OR51B5: variants seen among roughly 807,000 people sequenced by gnomAD.
The protein encoded by OR51B5 is olfactory receptor family 51 subfamily B member 5, also known as olfactory receptor 51B5.
For missense variants in OR51B5, 456 were observed against 374.6 expected (o/e 1.22, Z -1.79); for synonymous variants, 186 against 144.8 (o/e 1.28, Z -2.04).
intron 1 of OR51B5, among the ~76,000 whole-genome samples, chr11:5,425,495 C>T (rs189191564): frequency 6.6e-6 from 1 of 152,266 alleles, no homozygotes; most frequent in East Asian, 1.9e-4. Flanking sequence ...TTGAGATAAA[C>T]TGTTTATTGT....
At chr11:5,425,801 A>G (rs980958656) in intron 1 of OR51B5, among the ~76,000 whole-genome samples, 3 of 152,168 alleles carry the variant, frequency 2.0e-5, no homozygotes, top group East Asian at 1.9e-4. Flanking sequence ...ATAAGATTGG[A>G]TATTAATTTT....
At chr11:5,486,436 T>G (rs1297526915) in intron 1 of OR51B5, among the ~76,000 whole-genome samples, 1 of 151,854 alleles carries the variant, frequency 6.6e-6, no homozygotes, top group Non-Finnish European at 1.5e-5. Context: ...TACTGTTGGG[T>G]TACTGGAGAC....
chr11:5,450,058 C>T lies in OR51B5; in HGVS notation n.84+55511G>A, dbSNP rs576901805. On this transcript the variant is annotated intron_variant and non_coding_transcript_variant, in intron 1 of 4. Coordinates refer to the OR51B5 transcript ENST00000415970. ...TAAAAAGTAAAATTAAGTAAAAGAA[C>T]ATCAAAGCCATAAAGGATCTCAGAG... Among the ~76,000 whole-genome samples, 3 of 152,210 alleles carry T rather than the reference C, an allele frequency of 2.0e-5. No individual in the cohort carries two copies. The East Asian group carries it at 5.8e-4, about 29-fold the overall frequency.
intron 1 of OR51B5, chr11:5,489,366 C>G (rs1478161891): frequency 1.9e-6 from 3 of 1,613,856 alleles, no homozygotes; most frequent in Non-Finnish European, 2.5e-6. Flanking sequence ...TTGCCATTTC[C>G]TATGGCTTTA....
intron 1 of OR51B5, among the ~76,000 whole-genome samples, chr11:5,493,385 T>C (rs187842672): frequency 6.6e-6 from 1 of 152,272 alleles, no homozygotes; most frequent in East Asian, 1.9e-4. Context: ...CCTCTCAAGT[T>C]TGAGAAATCT....
At chr11:5,406,122 G>T (rs1214344312) in intron 1 of OR51B5, among the ~76,000 whole-genome samples, 1 of 152,162 alleles carries the variant, frequency 6.6e-6, no homozygotes, top group East Asian at 1.9e-4. Context: ...AGAATCTTAG[G>T]AAGTCATTTC....
Position 5,364,472 on chromosome 11 carries a change from A to G in OR51B5, n.85-17562T>C, listed in dbSNP as rs554387204. 5.4e-4 allele frequency among the ~76,000 whole-genome samples: 83 copies of G among 152,332 alleles called. 1 individual carries two copies. Among genetic ancestry groups the G allele is most frequent in the Admixed American group, 9.1e-4 (14 of 15,302 alleles). On this transcript the variant is annotated intron_variant and non_coding_transcript_variant, in intron 1 of 4. Coordinates refer to the OR51B5 transcript ENST00000415970. ...GTTTAGAAATTCCTGCCATATTTGTAATTCTCAATGGTCAGTCTCCTTGCT... is the reference window on the plus strand; with the variant it reads ...GTTTAGAAATTCCTGCCATATTTGTGATTCTCAATGGTCAGTCTCCTTGCT...
chr11:5,453,863 C>T, intron 1 of OR51B5: 1 of 1,614,164 alleles, frequency 6.2e-7, no homozygotes. Context: ...GCTATGTGGC[C>T]ATTTGTGACC....
intron 1 of OR51B5, among the ~76,000 whole-genome samples, chr11:5,479,595 G>C (rs1382348817): frequency 1.3e-5 from 2 of 151,976 alleles, no homozygotes; most frequent in African/African-American, 2.4e-5. Flanking sequence ...AGACCCATCA[G>C]TGTGCTGTAT....
At chr11:5,418,411 TAAAAACAAAACAAAA>T (rs903357133) in intron 1 of OR51B5, among the ~76,000 whole-genome samples, 11 of 109,356 alleles carry the variant, frequency 1.0e-4, no homozygotes, top group Non-Finnish European at 2.1e-4. Context: ...ATAATAATAA[TAAAAACAAAACAAAA>T]CAAAACAAAA....
At chr11:5,340,845 T>C (rs1429515735), downstream of OR51B5, 1 of 152,170 alleles carries the variant, frequency 6.6e-6, no homozygotes, top group East Asian at 1.9e-4. Context: ...TACCCCACAA[T>C]ATTTTTATGA....
At chr11:5,354,008 G>A (rs1474529113) in intron 1 of OR51B5, among the ~76,000 whole-genome samples, 1 of 151,520 alleles carries the variant, frequency 6.6e-6, no homozygotes, top group Admixed American at 6.6e-5. Context: ...TCTTGACTGT[G>A]TGCTCGAGGA....
At chr11:5,431,111 A>G (rs1850528453) in intron 1 of OR51B5, 1 of 419,162 alleles carries the variant, frequency 2.4e-6, no homozygotes, top group African/African-American at 2.0e-5. Context: ...AGTTGCCTCA[A>G]AAGGATTGGA....
At chr11:5,495,497 G>A (rs150699802) in intron 1 of OR51B5, among the ~76,000 whole-genome samples, 31 of 152,306 alleles carry the variant, frequency 2.0e-4, no homozygotes, top group African/African-American at 6.7e-4. Context: ...TAGAGTTTTT[G>A]TATGCAATTT....
At chr11:5,345,127 T>G (rs1230562809), upstream of OR51B5, among the ~76,000 whole-genome samples, 1 of 152,160 alleles carries the variant, frequency 6.6e-6, no homozygotes, top group Non-Finnish European at 1.5e-5. Context: ...CCACGGAATT[T>G]TTGTTTTGTT....
intron 1 of OR51B5, among the ~76,000 whole-genome samples, chr11:5,485,824 C>G (rs560266713): frequency 6.6e-6 from 1 of 152,268 alleles, no homozygotes; most frequent in African/African-American, 2.4e-5. Context: ...TTGTGTTGGT[C>G]TCCACACCCC....
intron 1 of OR51B5, among the ~76,000 whole-genome samples, chr11:5,360,966 A>G (rs1465528139): frequency 1.3e-5 from 2 of 151,002 alleles, no homozygotes; most frequent in South Asian, 2.1e-4. Flanking sequence ...CAGGAAGGGG[A>G]ACATCACACA....
intron 1 of OR51B5, among the ~76,000 whole-genome samples, chr11:5,369,992 A>G (rs937002465): frequency 6.6e-6 from 1 of 152,024 alleles, no homozygotes; most frequent in Non-Finnish European, 1.5e-5. Context: ...TTCTGTGTCA[A>G]TCTGTATCAA....
At chr11:5,389,309 A>G in intron 1 of OR51B5, 1 of 1,242,222 alleles carries the variant, frequency 8.1e-7, no homozygotes, top group Non-Finnish European at 1.2e-6. Context: ...GATGATGACC[A>G]TGGTACTGCT....
Sources: gnomAD v4.1 joint callset for allele counts (sites outside exome capture counted in the v4.1 genomes callset) on GRCh38, gnomAD v4.1.1 for gene constraint, MANE v1.5 for transcripts, NCBI Gene and HGNC (gene_info 2026-07-23, HGNC 2026-07-21) for gene names.